Variants in SPATA13 observed in about 807,000 individuals in gnomAD.
The protein encoded by SPATA13 is spermatogenesis associated 13.
SPATA13 carries 50 observed loss-of-function variants against 104.0 expected under a neutral mutation model. The observed-to-expected ratio is 0.48, with a 90% CI of 0.38 to 0.61. SPATA13 has a LOEUF of 0.61. SPATA13 is among the 20% of genes least tolerant of loss of function. SPATA13 has a pLI of 0.00. For missense variants in SPATA13, 1,524 were observed against 1,690.6 expected, an observed-to-expected ratio of 0.90 and a Z score of 1.73; for synonymous variants, 606 against 667.5, an observed-to-expected ratio of 0.91 and a Z score of 1.42.
chr13:24,207,542 C>A (rs1870771809), intron 1 of SPATA13, among the ~76,000 whole-genome samples: 1 of 117,296 alleles, frequency 8.5e-6, no homozygotes, highest in African/African-American at 3.2e-5. Flanking sequence ...CACATTTCCA[C>A]CAACAGTACA....
intron 9 of SPATA13, among the ~76,000 whole-genome samples, chr13:24,291,742 T>TTA (rs1190101121): frequency 8.3e-5 from 6 of 72,020 alleles, no homozygotes; most frequent in Admixed American, 4.3e-4. Flanking sequence ...CTGTCTTTAT[T>TTA]TTTTTATTTT....
At chr13:24,146,772 T>C (rs540166988) in intron 3 of SPATA13, among the ~76,000 whole-genome samples, 14 of 152,324 alleles carry the variant, frequency 9.2e-5, no homozygotes, top group East Asian at 7.7e-4. Context: ...TCGGCTATGC[T>C]TCCTGCAGTC....
intron 1 of SPATA13, among the ~76,000 whole-genome samples, chr13:24,176,493 T>A (rs1038032261): frequency 6.6e-6 from 1 of 152,162 alleles, no homozygotes; most frequent in Non-Finnish European, 1.5e-5. Flanking sequence ...TTCCTTTTAA[T>A]TTCTGCTTTT....
At chr13:24,233,609 C>A (rs1487890436) in intron 2 of SPATA13, among the ~76,000 whole-genome samples, 1 of 151,992 alleles carries the variant, frequency 6.6e-6, no homozygotes, top group African/African-American at 2.4e-5. Flanking sequence ...ACAATGGAAT[C>A]ATTTTCTAAG....
At chr13:24,160,170 C>T (rs1882409167), upstream of SPATA13, among the ~76,000 whole-genome samples, 1 of 152,206 alleles carries the variant, frequency 6.6e-6, no homozygotes, top group Non-Finnish European at 1.5e-5. Flanking sequence ...CAGTGGGGCA[C>T]GGTTGCCCCG....
At chr13:24,114,404 C>T (rs887327908) in intron 3 of SPATA13, among the ~76,000 whole-genome samples, 6 of 152,340 alleles carry the variant, frequency 3.9e-5, no homozygotes, top group Middle Eastern at 3.4e-3. Flanking sequence ...CATGTGTGCA[C>T]ACATGTAGAG....
chr13:24,002,868 G>C (rs1480617054), intron 2 of SPATA13, among the ~76,000 whole-genome samples: 1 of 152,164 alleles, frequency 6.6e-6, no homozygotes, highest in African/African-American at 2.4e-5. Flanking sequence ...CAAACTCATT[G>C]GTCATCCCTG....
intron 4 of SPATA13, among the ~76,000 whole-genome samples, chr13:24,264,316 G>C (rs945068867): frequency 2.0e-5 from 3 of 152,142 alleles, no homozygotes; most frequent in African/African-American, 7.2e-5. Context: ...AGAGGAAGGA[G>C]AGCAAGACAG....
At position 24,045,050 on chromosome 13, in the gene SPATA13, C is replaced by T. The variant is rs553404212; in HGVS notation, c.-112+27349C>T. 4.6e-5 allele frequency among the ~76,000 whole-genome samples: 7 copies of T among 152,254 alleles called. No individual in the cohort carries two copies. In the South Asian group the frequency reaches 1.2e-3, roughly 27 times the overall value. Reference sequence around the variant, plus strand: ...TGAACTCCCTCTCTAAAAATAAAATCCAGGGCGGCGGAGTTTGTAAGATTT... The same window carrying T: ...TGAACTCCCTCTCTAAAAATAAAATTCAGGGCGGCGGAGTTTGTAAGATTT... On this transcript the variant is annotated intron_variant, in intron 3 of 14. Transcript: ENST00000424834.
chr13:24,261,788 G>A (rs1279384155), intron 4 of SPATA13, among the ~76,000 whole-genome samples: 1 of 151,826 alleles, frequency 6.6e-6, no homozygotes, highest in Non-Finnish European at 1.5e-5. Context: ...AAAAAAAACC[G>A]GTTTCAGTTC....
Position 24,127,474 on chromosome 13 carries a change from C to T in SPATA13, c.-111-95345C>T, listed in dbSNP as rs189161965. ...GGGTAGGGGAGCCCCCGTAGGTAGT[C>T]TACTGAGAACAGCCTCTGGGGACAG... On this transcript the variant is annotated intron_variant, in intron 3 of 14. Coordinates refer to the SPATA13 transcript ENST00000424834. Among the ~76,000 whole-genome samples the T allele has an allele frequency of 3.9e-5, 6 of 152,310 alleles. No individual in the cohort carries two copies. The East Asian group carries it at 1.2e-3, about 29-fold the overall frequency.
chr13:24,256,116 A>T (rs1299008288), intron 4 of SPATA13, among the ~76,000 whole-genome samples: 9 of 152,192 alleles, frequency 5.9e-5, no homozygotes. Context: ...GGTTCATGGT[A>T]TTATCTGCTT....
At position 24,304,485 on chromosome 13, in the gene SPATA13, T is replaced by C. The variant is rs941609221; in HGVS notation, c.*1712T>C. 5.9e-5 allele frequency: 9 copies of C among 152,084 alleles called. No individual in the cohort carries two copies. The highest frequency in any genetic ancestry group is 2.2e-4 in the African/African-American group (9 of 41,408). 9.4% of individuals were successfully genotyped at this position (152,084 alleles called of 1,614,324 possible). On this transcript the variant is annotated 3_prime_UTR_variant, in exon 13 of 13. Coordinates refer to ENST00000382108, the MANE Select transcript of SPATA13 (RefSeq NM_001166271.3). ...TTTTTTTTTTTCTAACAGGCCCATGTTTGAGAATAAACAAGTCTGTGATGT... is the reference window on the plus strand; with the variant it reads ...TTTTTTTTTTTCTAACAGGCCCATGCTTGAGAATAAACAAGTCTGTGATGT...
chr13:24,181,986 T>A (rs59849427), intron 1 of SPATA13, among the ~76,000 whole-genome samples: 1,879 of 152,222 alleles, frequency 0.012, 38 homozygotes, highest in African/African-American at 0.043. Flanking sequence ...GTGGTGGCAC[T>A]CTCCTAAAAT....
intron 12 of SPATA13, 129 bp from the exon 13 acceptor site, chr13:24,302,459 CAAAAAAAAAA>C (rs71070678): frequency 0.28 from 53,454 of 192,284 alleles, 4,552 homozygotes; most frequent in East Asian, 0.36. Context: ...GACCCTGTCT[CAAAAAAAAAA>C]AAAAAAAAAA....
At chr13:24,021,986 C>T (rs1164890767) in intron 3 of SPATA13, among the ~76,000 whole-genome samples, 10 of 148,656 alleles carry the variant, frequency 6.7e-5, no homozygotes, top group South Asian at 2.2e-4. Context: ...GCTGGGATTA[C>T]AGGCGTGAGC....
intron 1 of SPATA13, among the ~76,000 whole-genome samples, chr13:24,183,743 GGGCTAATGGT>G (rs1302831479): frequency 6.6e-6 from 1 of 152,008 alleles, no homozygotes; most frequent in African/African-American, 2.4e-5. Context: ...TGTTCTCTAT[GGGCTAATGGT>G]GGCCGTACCT....
intron 3 of SPATA13, among the ~76,000 whole-genome samples, chr13:24,039,519 C>T (rs1167906053): frequency 6.6e-6 from 1 of 152,168 alleles, no homozygotes; most frequent in Non-Finnish European, 1.5e-5. Flanking sequence ...AGCGCTTTGA[C>T]TTATTTAGGT....
chr13:24,173,972 CCT>C (rs1883107007), intron 1 of SPATA13, among the ~76,000 whole-genome samples: 1 of 152,112 alleles, frequency 6.6e-6, no homozygotes, highest in Non-Finnish European at 1.5e-5. Flanking sequence ...GGAAATATCA[CCT>C]TCATAAAATG....
Sources: allele counts gnomAD v4.1 joint callset (sites outside exome capture counted in the v4.1 genomes callset), GRCh38; gene constraint gnomAD v4.1.1; transcripts MANE v1.5; gene names NCBI Gene and HGNC (gene_info 2026-07-23, HGNC 2026-07-21).